SGCG: variants seen among roughly 807,000 people sequenced by gnomAD.
SGCG encodes gamma-sarcoglycan.
A neutral mutation model predicts 29.3 loss-of-function variants in SGCG; 26 were observed. That is an observed-to-expected ratio of 0.89 (90% CI 0.65 to 1.23). The LOEUF (loss-of-function observed/expected upper bound fraction) is 1.23. Among genes scored for constraint, SGCG ranks in the 50% most tolerant of loss-of-function variants. SGCG has a pLI of 0.00. For synonymous variants in SGCG, 145 were observed against 129.7 expected, an observed-to-expected ratio of 1.12 and a Z score of -0.80; for missense variants, 353 against 356.0, an observed-to-expected ratio of 0.99 and a Z score of 0.07.
chr13:23,287,087 C>T (rs910364652), intron 5 of SGCG, among the ~76,000 whole-genome samples: 1 of 152,180 alleles, frequency 6.6e-6, no homozygotes. Context: ...CTGTATATTT[C>T]CTTCTCCTTT....
At chr13:23,292,416 C>T (rs1881752855) in intron 5 of SGCG, among the ~76,000 whole-genome samples, 1 of 152,142 alleles carries the variant, frequency 6.6e-6, no homozygotes, top group Non-Finnish European at 1.5e-5. Context: ...ACCGACGTTT[C>T]TCTTTCTAAT....
intron 6 of SGCG, among the ~76,000 whole-genome samples, chr13:23,302,396 C>T (rs536307763): frequency 6.6e-6 from 1 of 152,120 alleles, no homozygotes; most frequent in Non-Finnish European, 1.5e-5. Flanking sequence ...TGCTATAGCA[C>T]ACTAGAACTT....
upstream of SGCG, among the ~76,000 whole-genome samples, chr13:23,179,025 G>C (rs958391616): frequency 6.6e-6 from 1 of 152,180 alleles, no homozygotes; most frequent in African/African-American, 2.4e-5. Flanking sequence ...GAGCACCCAA[G>C]CACCAAATTA....
intron 2 of SGCG, among the ~76,000 whole-genome samples, chr13:23,226,432 A>AG (rs1878902663): frequency 6.6e-6 from 1 of 151,766 alleles, no homozygotes; most frequent in African/African-American, 2.4e-5. Context: ...TGAGAGCAAA[A>AG]AAAAAACACT....
chr13:23,189,014 C>G (rs540677491), intron 1 of SGCG, among the ~76,000 whole-genome samples: 1 of 152,316 alleles, frequency 6.6e-6, no homozygotes, highest in Admixed American at 6.5e-5. Context: ...GACCACTAAC[C>G]TTTTGTTCTT....
At chr13:23,230,048 CCCTTTGCTTGTT>C (rs1400412236) in intron 2 of SGCG, among the ~76,000 whole-genome samples, 8 of 152,042 alleles carry the variant, frequency 5.3e-5, no homozygotes, top group Non-Finnish European at 1.0e-4. Context: ...CAGTTATTTC[CCCTTTGCTTGTT>C]CTTGTCAGCT....
At chr13:23,262,821 C>A (rs776206248) in intron 4 of SGCG, among the ~76,000 whole-genome samples, 3 of 151,850 alleles carry the variant, frequency 2.0e-5, no homozygotes, top group Non-Finnish European at 4.4e-5. Context: ...CAGACCACAG[C>A]AAAATAAAAC....
At chr13:23,320,492 A>G (rs2137527531) in intron 6 of SGCG, 145 bp from the exon 7 acceptor site, 2 of 699,260 alleles carry the variant, frequency 2.9e-6, no homozygotes, top group Non-Finnish European at 4.8e-6. Flanking sequence ...TCAATGAATA[A>G]TGCACAATAT....
intron 2 of SGCG, among the ~76,000 whole-genome samples, chr13:23,221,470 A>G (rs1878654784): frequency 6.6e-6 from 1 of 152,206 alleles, no homozygotes; most frequent in Non-Finnish European, 1.5e-5. Context: ...AGCACCTAAT[A>G]TAAGCACTGT....
At chr13:23,231,836 A>G (rs1311564821) in intron 2 of SGCG, among the ~76,000 whole-genome samples, 1 of 152,160 alleles carries the variant, frequency 6.6e-6, no homozygotes, top group Non-Finnish European at 1.5e-5. Flanking sequence ...AGAGCTCAGA[A>G]GGCCAGGCAC....
intron 6 of SGCG, among the ~76,000 whole-genome samples, chr13:23,302,801 TAGA>T (rs895300791): frequency 1.3e-5 from 2 of 152,202 alleles, no homozygotes; most frequent in African/African-American, 4.8e-5. Flanking sequence ...AGCTTATTAA[TAGA>T]AGGAGTCAAG....
At chr13:23,223,218 C>A (rs535428714) in intron 2 of SGCG, among the ~76,000 whole-genome samples, 10 of 133,936 alleles carry the variant, frequency 7.5e-5, no homozygotes, top group African/African-American at 2.9e-4. Context: ...GCGGAGCTTG[C>A]AGTGAGCTGA....
At chr13:23,199,373 G>T (rs1027220832) in intron 1 of SGCG, among the ~76,000 whole-genome samples, 1 of 152,226 alleles carries the variant, frequency 6.6e-6, no homozygotes, top group Non-Finnish European at 1.5e-5. Flanking sequence ...ATTTCTTGCT[G>T]ACATGAATAC....
At chr13:23,296,523 A>G (rs1266201687) in intron 6 of SGCG, among the ~76,000 whole-genome samples, 1 of 152,126 alleles carries the variant, frequency 6.6e-6, no homozygotes, top group African/African-American at 2.4e-5. Flanking sequence ...ACCACCATCC[A>G]TCTCCAGAAC....
intron 2 of SGCG, among the ~76,000 whole-genome samples, chr13:23,205,473 G>A (rs768037358): frequency 5.9e-5 from 9 of 152,178 alleles, no homozygotes; most frequent in Non-Finnish European, 8.8e-5. Context: ...GCCTGGGAGT[G>A]ACGAGAAGCC....
At chr13:23,321,598 G>A (rs1447659980) in intron 7 of SGCG, among the ~76,000 whole-genome samples, 2 of 152,164 alleles carry the variant, frequency 1.3e-5, no homozygotes, top group African/African-American at 4.8e-5. Flanking sequence ...CTCACGGGCT[G>A]GGAGCGTAGA....
intron 1 of SGCG, among the ~76,000 whole-genome samples, chr13:23,183,270 T>TCAATG (rs1876817983): frequency 6.6e-6 from 1 of 152,072 alleles, no homozygotes; most frequent in African/African-American, 2.4e-5. Context: ...GCATCACCCA[T>TCAATG]CAATGCACCC....
At chr13:23,322,784 C>CCCCCT (rs1883099646) in intron 7 of SGCG, among the ~76,000 whole-genome samples, 2 of 112,640 alleles carry the variant, frequency 1.8e-5, no homozygotes, top group African/African-American at 6.7e-5. Flanking sequence ...CCCCCCCCCC[C>CCCCCT]CCCCCGCCAA....
intron 1 of SGCG, among the ~76,000 whole-genome samples, chr13:23,189,216 G>A (rs986282280): frequency 1.5e-4 from 23 of 152,098 alleles, no homozygotes; most frequent in African/African-American, 4.1e-4. Flanking sequence ...ACCCTCTGTC[G>A]TCCAGGCTGG....
Sources: gnomAD v4.1 joint callset for allele counts (sites outside exome capture counted in the v4.1 genomes callset) on GRCh38, gnomAD v4.1.1 for gene constraint, MANE v1.5 for transcripts, NCBI Gene and HGNC (gene_info 2026-07-23, HGNC 2026-07-21) for gene names.